Variants in SDK1 observed in about 807,000 individuals in gnomAD.
The protein encoded by SDK1 is sidekick cell adhesion molecule 1.
Under a neutral mutation model 245.5 loss-of-function variants are expected in SDK1, and 157 were observed. The observed-to-expected ratio is 0.64, with a 90% CI of 0.56 to 0.73. SDK1 has a LOEUF of 0.73. Ranked by LOEUF, SDK1 falls within the 30% of genes least tolerant of loss-of-function variation. The probability of loss-of-function intolerance (pLI) is 0.00; values close to 1 mark genes in which losing one functional copy is unlikely to be tolerated. For missense variants in SDK1, 3,583 were observed against 3,002.3 expected (o/e 1.19, Z -4.52); for synonymous variants, 1,647 against 1,278.5 (o/e 1.29, Z -6.15).
At chr7:3,378,982 A>T (rs1781419145) in intron 1 of SDK1, among the ~76,000 whole-genome samples, 1 of 152,080 alleles carries the variant, frequency 6.6e-6, no homozygotes, top group Admixed American at 6.5e-5. Context: ...GGACTTGCTC[A>T]GCTCTTCCAG....
chr7:3,587,972 A>G (rs1189365055), intron 1 of SDK1, among the ~76,000 whole-genome samples: 2 of 152,240 alleles, frequency 1.3e-5, no homozygotes, highest in Non-Finnish European at 2.9e-5. Flanking sequence ...TGTCTATGCC[A>G]ATACAGGCTT....
chr7:3,612,801 C>T (rs1781642831), intron 1 of SDK1, among the ~76,000 whole-genome samples: 1 of 152,100 alleles, frequency 6.6e-6, no homozygotes, highest in South Asian at 2.1e-4. Context: ...GCATTCTGGT[C>T]CTCCCGGCTG....
At chr7:4,023,480 A>G (rs1410545313) in intron 17 of SDK1, among the ~76,000 whole-genome samples, 9 of 152,170 alleles carry the variant, frequency 5.9e-5, no homozygotes, top group African/African-American at 1.9e-4. Context: ...TCAAATTTCC[A>G]TGATGATTAC....
intron 4 of SDK1, among the ~76,000 whole-genome samples, chr7:3,769,705 A>G (rs1780352106): frequency 6.6e-6 from 1 of 151,980 alleles, no homozygotes; most frequent in Admixed American, 6.5e-5. Flanking sequence ...AACTCAGATG[A>G]GGGATGAGCC....
At position 3,333,648 on chromosome 7, in the gene SDK1, C is replaced by T. The variant is rs370956324; in HGVS notation, c.298+31764C>T. ...ATACCCCTAACCTAGCACAAACGCC[C>T]TACCCTTCCCTTCTCTTGTACCCAT... On this transcript the variant is annotated intron_variant, in intron 1 of 44. Coordinates refer to ENST00000404826, the MANE Select transcript of SDK1 (RefSeq NM_152744.4). Among the ~76,000 whole-genome samples the T allele has an allele frequency of 1.3e-4, 20 of 152,304 alleles. No homozygotes were observed. The East Asian group carries it at 3.7e-3, about 28-fold the overall frequency.
rs568667773 is a variant in SDK1, at chr7:4,037,664, G to A, written c.2603-11684G>A. ...CTTCTTTTGTCAAAAATGACATTCTGATTCCATATTTTTCACAAAGCAAAA... is the reference window on the plus strand; with the variant it reads ...CTTCTTTTGTCAAAAATGACATTCTAATTCCATATTTTTCACAAAGCAAAA... On this transcript the variant is annotated intron_variant, in intron 17 of 44. Coordinates refer to ENST00000404826, the MANE Select transcript of SDK1 (RefSeq NM_152744.4). Among the ~76,000 whole-genome samples, 9 of 152,220 alleles carry A rather than the reference G, an allele frequency of 5.9e-5. No individual in the cohort carries two copies. The East Asian group carries it at 1.7e-3, about 29-fold the overall frequency.
chr7:4,214,067 G>A (rs906958646), intron 38 of SDK1, among the ~76,000 whole-genome samples: 8 of 152,110 alleles, frequency 5.3e-5, no homozygotes, highest in Admixed American at 4.6e-4. Context: ...TTCTCCTCCC[G>A]CAGACAGAGA....
chr7:3,350,019 G>T (rs949272844), intron 1 of SDK1, among the ~76,000 whole-genome samples: 2 of 152,296 alleles, frequency 1.3e-5, no homozygotes, highest in Admixed American at 1.3e-4. Context: ...TGGGGACTTT[G>T]TGCCTCTCAC....
At chr7:4,158,593 C>A (rs754294071) in intron 31 of SDK1, 42 bp downstream of exon 31, 3 of 1,450,806 alleles carry the variant, frequency 2.1e-6, no homozygotes, top group Admixed American at 3.4e-5. Context: ...GGCCGCTGCC[C>A]CTGGAGCCCG....
At chr7:4,014,606 G>A (rs1239597919) in intron 16 of SDK1, among the ~76,000 whole-genome samples, 2 of 152,178 alleles carry the variant, frequency 1.3e-5, no homozygotes, top group Non-Finnish European at 2.9e-5. Context: ...AATCACTTCC[G>A]TGGCTCCAGC....
chr7:3,480,916 T>G (rs1280332226), intron 1 of SDK1, among the ~76,000 whole-genome samples: 1 of 152,226 alleles, frequency 6.6e-6, no homozygotes, highest in Non-Finnish European at 1.5e-5. Flanking sequence ...ACATCTTTCT[T>G]CCTTCTTTTA....
At chr7:3,719,345 G>A (rs1020283435) in intron 4 of SDK1, among the ~76,000 whole-genome samples, 9 of 150,614 alleles carry the variant, frequency 6.0e-5, no homozygotes, top group African/African-American at 2.2e-4. Flanking sequence ...AAACAACTCT[G>A]AAAAAGAAGA....
At chr7:4,052,728 C>T (rs181225696) in intron 19 of SDK1, among the ~76,000 whole-genome samples, 9 of 152,224 alleles carry the variant, frequency 5.9e-5, no homozygotes, top group Admixed American at 3.9e-4. Flanking sequence ...TGGCATATTT[C>T]GTTGTATTTT....
At chr7:4,233,750 C>T (rs534824095) in intron 41 of SDK1, among the ~76,000 whole-genome samples, 4 of 152,246 alleles carry the variant, frequency 2.6e-5, no homozygotes, top group East Asian at 1.9e-4. Context: ...TGCCAGTCTC[C>T]GGGTGCCTCC....
chr7:4,217,140 G>GCCACCCGGAGCACCACA (rs1332840666), intron 38 of SDK1, among the ~76,000 whole-genome samples: 1 of 83,178 alleles, frequency 1.2e-5, no homozygotes, highest in Admixed American at 1.3e-4. Context: ...GGAGCACCAG[G>GCCACCCGGAGCACCACA]CCACCCGGAG....
At chr7:3,464,206 T>G (rs933409064) in intron 1 of SDK1, among the ~76,000 whole-genome samples, 3 of 152,038 alleles carry the variant, frequency 2.0e-5, no homozygotes, top group Non-Finnish European at 4.4e-5. Context: ...GGGGACAGAG[T>G]AACTTTTTTT....
Position 4,026,875 on chromosome 7 carries a change from A to G in SDK1, c.2602+9523A>G, listed in dbSNP as rs944266783. ...GCGGTGTGCGGCCGGTGACTCTACC[A>G]GGTAACGAACTCACCGCTCCCTGGT... is the stretch of plus-strand genomic sequence containing the variant. On this transcript the variant is annotated intron_variant, in intron 17 of 44. Coordinates refer to ENST00000404826, the MANE Select transcript of SDK1 (RefSeq NM_152744.4). The surrounding 1 kb of genome is among the most constrained non-coding windows in gnomAD (Gnocchi z 4.1). Among the ~76,000 whole-genome samples the G allele has an allele frequency of 6.6e-6, 1 of 152,204 alleles. No individual in the cohort carries two copies. Among genetic ancestry groups the G allele is most frequent in the African/African-American group, 2.4e-5 (1 of 41,452 alleles).
At position 3,422,592 on chromosome 7, in the gene SDK1, A is replaced by G. The variant is rs191284608; in HGVS notation, c.298+120708A>G. On this transcript the variant is annotated intron_variant, in intron 1 of 44. Coordinates refer to ENST00000404826, the MANE Select transcript of SDK1 (RefSeq NM_152744.4). ...AGGATTGCTTGAGCTCAGAAGTTCG[A>G]GACCAGCCTGGGCAACATAGCAAGA... Among the ~76,000 whole-genome samples, 134 of 152,294 alleles carry G rather than the reference A, an allele frequency of 8.8e-4. 2 individuals carry two copies. The East Asian group carries it at 0.025, about 28-fold the overall frequency.
chr7:4,206,509 AC>A (rs1460639379), intron 36 of SDK1, among the ~76,000 whole-genome samples: 1 of 152,120 alleles, frequency 6.6e-6, no homozygotes, highest in East Asian at 1.9e-4. Context: ...GTCCCTGGGA[AC>A]CCTGCTTTGA....
Sources: allele counts gnomAD v4.1 joint callset (sites outside exome capture counted in the v4.1 genomes callset), GRCh38; gene constraint gnomAD v4.1.1; non-coding constraint Gnocchi (gnomAD v3.1); transcripts MANE v1.5; gene names NCBI Gene and HGNC (gene_info 2026-07-23, HGNC 2026-07-21).